Variants in TCF20 observed in about 807,000 individuals in gnomAD.
The protein encoded by TCF20 is SPRE-binding protein.
TCF20 carries 3 observed loss-of-function variants against 148.6 expected under a neutral mutation model. The observed-to-expected ratio is 0.02, with a 90% CI of 0.01 to 0.05. The LOEUF is 0.05. Among genes scored for constraint, TCF20 ranks in the 10% least tolerant of loss-of-function variants. The pLI, the probability that TCF20 is intolerant of heterozygous loss-of-function variation, is 1.00. For missense variants in TCF20, 2,350 were observed against 2,429.3 expected (o/e 0.97, Z 0.69); for synonymous variants, 1,049 against 909.5 (o/e 1.15, Z -2.76).
chr22:42,214,582 A>AGGT lies in TCF20; in HGVS notation c.723_724insACC (p.Ser241_Ser242insThr). ...GGTGAAGGGAAGGAGGAGGAGGAGGAGGAGGAAGCAGAAGACTGATAGTGT... is the reference window on the plus strand; with the variant it reads ...GGTGAAGGGAAGGAGGAGGAGGAGGAGGTGGAGGAAGCAGAAGACTGATAGTGT... On this transcript the variant is annotated inframe_insertion, in exon 2 of 6. Transcript: ENST00000677622. The AGGT allele has an allele frequency of 6.2e-7, 1 of 1,614,052 alleles. No individual in the cohort carries two copies. Among genetic ancestry groups the AGGT allele is most frequent in the Non-Finnish European group, 8.5e-7 (1 of 1,180,022 alleles).
intron 1 of TCF20, among the ~76,000 whole-genome samples, chr22:42,228,406 G>A (rs1050606192): frequency 6.6e-6 from 1 of 152,208 alleles, no homozygotes; most frequent in African/African-American, 2.4e-5. Context: ...TGTCTTTTCA[G>A]GTGAAAATTC....
intron 1 of TCF20, among the ~76,000 whole-genome samples, chr22:42,335,990 C>T (rs1040872251): frequency 5.9e-5 from 9 of 152,232 alleles, no homozygotes; most frequent in African/African-American, 1.9e-4. Context: ...GGCACCCACC[C>T]ACAGGTCTGG....
chr22:42,253,499 A>G (rs1027397906), intron 1 of TCF20, among the ~76,000 whole-genome samples: 1 of 152,208 alleles, frequency 6.6e-6, no homozygotes, highest in East Asian at 1.9e-4. Flanking sequence ...CTATAATTAG[A>G]TGTCAATTCC....
chr22:42,267,066 G>A (rs1244802268), intron 1 of TCF20, among the ~76,000 whole-genome samples: 1 of 151,972 alleles, frequency 6.6e-6, no homozygotes, highest in East Asian at 1.9e-4. Flanking sequence ...GGTCGAGTTT[G>A]AGACCAGCCT....
chr22:42,201,001 A>T (rs1293635858), intron 2 of TCF20, among the ~76,000 whole-genome samples: 9 of 152,230 alleles, frequency 5.9e-5, no homozygotes, highest in Admixed American at 4.6e-4. Context: ...TGCTGGAGGC[A>T]GGGCCTGGTG....
intron 3 of TCF20, among the ~76,000 whole-genome samples, chr22:42,171,578 C>G (rs1936134969): frequency 6.6e-6 from 1 of 152,174 alleles, no homozygotes. Context: ...TACTACTAAC[C>G]TCCAAGCCCC....
In TCF20 at chr22:42,213,577, C is replaced by A; in HGVS notation, c.1729G>T (p.Ala577Ser). 6.2e-7 allele frequency: 1 copy of A among 1,614,122 alleles called. No individual in the cohort carries two copies. The highest frequency in any genetic ancestry group is 8.5e-7 in the Non-Finnish European group (1 of 1,180,044). ...CCTGGTGAGGTGGCCTCTTCTCTTG[C>A]GGCAGGACTAGCATTGAGTCTGGGG... The part of the protein sequence containing the change: ...EPPRLNASPA[A>S]REEATSPGAK... Residue 577 changes from alanine to serine, a missense_variant, in exon 2 of 6, where the codon GCA becomes TCA. Transcript: ENST00000677622.
chr22:42,326,067 G>A (rs910495295), intron 1 of TCF20, among the ~76,000 whole-genome samples: 1 of 152,054 alleles, frequency 6.6e-6, no homozygotes, highest in African/African-American at 2.4e-5. Context: ...TGCCAGGGGT[G>A]CCAGCTGCTG....
At chr22:42,258,733 G>T (rs1213362768) in intron 1 of TCF20, among the ~76,000 whole-genome samples, 1 of 152,110 alleles carries the variant, frequency 6.6e-6, no homozygotes, top group Admixed American at 6.6e-5. Context: ...GCTCATGTAG[G>T]TAGGTGTTGC....
chr22:42,278,448 C>G (rs1486104876), intron 1 of TCF20: 1 of 152,256 alleles, frequency 6.6e-6, no homozygotes, highest in African/African-American at 2.4e-5. Context: ...TCTTTGAAAA[C>G]TATTGTAAAG....
At chr22:42,293,773 G>A (rs554881933) in intron 1 of TCF20, among the ~76,000 whole-genome samples, 13 of 152,348 alleles carry the variant, frequency 8.5e-5, no homozygotes, top group African/African-American at 2.4e-4. Context: ...AGGCCAAGGC[G>A]GGCAGATCAC....
At chr22:42,166,799 C>T (rs1935815873) in intron 5 of TCF20, among the ~76,000 whole-genome samples, 1 of 152,128 alleles carries the variant, frequency 6.6e-6, no homozygotes, top group African/African-American at 2.4e-5. Context: ...CTTTCCTTAA[C>T]CAGGTCTTCT....
chr22:42,303,619 C>T (rs1388459113), intron 1 of TCF20, among the ~76,000 whole-genome samples: 2 of 152,224 alleles, frequency 1.3e-5, no homozygotes, highest in East Asian at 1.9e-4. Context: ...ACTATCTCCT[C>T]CCATGATGGC....
intron 2 of TCF20, among the ~76,000 whole-genome samples, chr22:42,207,540 G>A (rs145474059): frequency 6.6e-6 from 1 of 152,190 alleles, no homozygotes; most frequent in African/African-American, 2.4e-5. Context: ...TCAAGGCTGG[G>A]TGCAGTGGCT....
Position 42,299,662 on chromosome 22 carries a change from C to T in TCF20, c.-37+43817G>A, listed in dbSNP as rs967406938. 2.0e-5 allele frequency among the ~76,000 whole-genome samples: 3 copies of T among 152,126 alleles called. No individual in the cohort carries two copies. Among genetic ancestry groups the T allele is most frequent in the Non-Finnish European group, 2.9e-5 (2 of 68,030 alleles). The stretch of plus-strand genomic sequence containing the variant: ...CTCCCCGAACGCAGGCCCCCCTGCC[C>T]GCACCCCAACACTTCAAGACCTCCT... On this transcript the variant is annotated intron_variant, in intron 1 of 1. Transcript: ENST00000515426. This position sits in a 1 kb window ranked among gnomAD's most constrained non-coding sequence, Gnocchi z 4.1.
Position 42,214,223 on chromosome 22 carries a change from G to T in TCF20, c.1083C>A (p.His361Gln). ...EVPVRSPMQF[H>Q]QNFSPISNPS... Reference sequence around the variant, plus strand: ...GGTTAGAAATGGGGCTGAAGTTCTGGTGAAACTGCATGGGGGACCTCACAG... The same window carrying T: ...GGTTAGAAATGGGGCTGAAGTTCTGTTGAAACTGCATGGGGGACCTCACAG... Residue 361 changes from histidine to glutamine, a missense_variant, in exon 2 of 6, where the codon CAC (histidine) becomes CAA (glutamine). His to Gln is a conservative substitution (Grantham distance 24). This residue lies in a region of TCF20 where 1,641 missense variants were observed against 1,662.6 expected (regional missense o/e 0.99). Transcript: ENST00000677622. The T allele has an allele frequency of 6.2e-7, 1 of 1,614,218 alleles. No homozygotes were observed. Among genetic ancestry groups the T allele is most frequent in the Non-Finnish European group, 8.5e-7 (1 of 1,180,032 alleles).
chr22:42,195,499 A>C (rs1164492238), intron 2 of TCF20, among the ~76,000 whole-genome samples: 1 of 149,876 alleles, frequency 6.7e-6, no homozygotes. Context: ...AATATTACAT[A>C]CTTTTTTTTT....
rs375576351 is a variant in TCF20 at position 42,303,524 on chromosome 22, G to C, written c.-37+39955C>G. Reference sequence around the variant, plus strand: ...CTATTACACCGTTTTCCAGCCGAGGGCATGAGTATGCAGAGAACTGAAGTA... The same window carrying C: ...CTATTACACCGTTTTCCAGCCGAGGCCATGAGTATGCAGAGAACTGAAGTA... On this transcript the variant is annotated intron_variant, in intron 1 of 1. Transcript: ENST00000515426. 2.0e-5 allele frequency among the ~76,000 whole-genome samples: 3 copies of C among 152,380 alleles called. No individual in the cohort carries two copies. The South Asian group carries it at 6.2e-4, about 32-fold the overall frequency.
At chr22:42,227,249 C>G (rs1236963484) in intron 1 of TCF20, among the ~76,000 whole-genome samples, 1 of 152,168 alleles carries the variant, frequency 6.6e-6, no homozygotes, top group Non-Finnish European at 1.5e-5. Flanking sequence ...TGCACTCCAG[C>G]CTGGGAGACA....
Sources: allele counts gnomAD v4.1 joint callset (sites outside exome capture counted in the v4.1 genomes callset), GRCh38; gene constraint gnomAD v4.1.1; regional missense constraint gnomAD v4.1.1; non-coding constraint Gnocchi (gnomAD v3.1); transcripts MANE v1.5; gene names NCBI Gene and HGNC (gene_info 2026-07-23, HGNC 2026-07-21).